The following TARP variants were observed in gnomAD, a reference collection of about 807,000 sequenced individuals.
At chr7:38,266,330 T>C in the TARP span, among the ~76,000 whole-genome samples, 3 of 149,638 alleles carry the variant, frequency 2.0e-5, no homozygotes, top group East Asian at 3.9e-4. Flanking sequence ...TTGTTGAGAC[T>C]GGGGCTTGCT....
the TARP span, among the ~76,000 whole-genome samples, chr7:38,266,255 A>T: frequency 6.6e-6 from 1 of 151,570 alleles, no homozygotes; most frequent in Non-Finnish European, 1.5e-5. Context: ...TGATTCTGCG[A>T]TGCACCATAT....
At chr7:38,265,471 A>G in the TARP span, 1 of 1,610,230 alleles carries the variant, frequency 6.2e-7, no homozygotes, top group Non-Finnish European at 8.5e-7. Context: ...GCTAAATTTC[A>G]TGTATGTGTC....
chr7:38,267,520 G>T, the TARP span, among the ~76,000 whole-genome samples: 1 of 150,772 alleles, frequency 6.6e-6, no homozygotes, highest in East Asian at 1.9e-4. Context: ...GATAATTTCT[G>T]TCTGTGTAGC....
the TARP span, among the ~76,000 whole-genome samples, chr7:38,263,537 T>A: frequency 6.6e-6 from 1 of 151,270 alleles, no homozygotes; most frequent in African/African-American, 2.4e-5. Flanking sequence ...TTACAGGAGC[T>A]CAGATTTCAG....
chr7:38,268,309 A>C, the TARP span, among the ~76,000 whole-genome samples: 1 of 151,652 alleles, frequency 6.6e-6, no homozygotes, highest in African/African-American at 2.4e-5. Flanking sequence ...TTTGTAGTTT[A>C]TTAAAATGCA....
chr7:38,266,898 G>A, the TARP span, among the ~76,000 whole-genome samples: 1 of 151,622 alleles, frequency 6.6e-6, no homozygotes, highest in African/African-American at 2.4e-5. Flanking sequence ...ATTATTTTCA[G>A]AAATACTCTT....
the TARP span, among the ~76,000 whole-genome samples, chr7:38,270,065 G>A: frequency 0.072 from 10,752 of 150,322 alleles, no homozygotes; most frequent in Non-Finnish European, 0.099. Context: ...TCACACCACT[G>A]CACTCCTGCC....
chr7:38,259,661 A>G, the TARP span: 1 of 160,820 alleles, frequency 6.2e-6, no homozygotes, highest in African/African-American at 2.4e-5. Flanking sequence ...ATTTTTTTAA[A>G]TTTATTTTGC....
the TARP span, among the ~76,000 whole-genome samples, chr7:38,271,921 A>T: frequency 6.6e-6 from 1 of 151,508 alleles, no homozygotes. Flanking sequence ...AAGAAATTAA[A>T]TGTTATAGGT....
chr7:38,259,787 G>A, the TARP span: 41 of 310,572 alleles, frequency 1.3e-4, 1 homozygote, highest in African/African-American at 8.4e-4. Context: ...AGAGGGACAA[G>A]GCTAGAAGCC....
chr7:38,263,341 A>G, the TARP span, among the ~76,000 whole-genome samples: 1 of 152,062 alleles, frequency 6.6e-6, no homozygotes, highest in Non-Finnish European at 1.5e-5. Flanking sequence ...CAAATAGCAG[A>G]GCCAGTATTC....
the TARP span, among the ~76,000 whole-genome samples, chr7:38,270,951 G>A: frequency 6.6e-6 from 1 of 150,860 alleles, no homozygotes; most frequent in Non-Finnish European, 1.5e-5. Flanking sequence ...TTGAAAATTT[G>A]GTGTGCTTCT....
At chr7:38,261,034 C>T in the TARP span, among the ~76,000 whole-genome samples, 1 of 151,862 alleles carries the variant, frequency 6.6e-6, no homozygotes, top group East Asian at 1.9e-4. Context: ...CACATTCATG[C>T]CTTTATCTCT....
chr7:38,272,675 G>C, the TARP span, among the ~76,000 whole-genome samples: 1 of 148,894 alleles, frequency 6.7e-6, no homozygotes, highest in Admixed American at 6.8e-5. Flanking sequence ...TTGAACAACT[G>C]GTAAATCAAA....
At chr7:38,259,947 T>C in the TARP span, 1 of 810,686 alleles carries the variant, frequency 1.2e-6, no homozygotes, top group Non-Finnish European at 1.9e-6. Flanking sequence ...TTGAAAACCG[T>C]TATACAATAA....
the TARP span, among the ~76,000 whole-genome samples, chr7:38,268,522 T>C: frequency 6.6e-6 from 1 of 151,634 alleles, no homozygotes. Flanking sequence ...TTGACCATTT[T>C]TGGTAAGATT....
At chr7:38,261,656 G>A in the TARP span, among the ~76,000 whole-genome samples, 9 of 151,240 alleles carry the variant, frequency 6.0e-5, no homozygotes, top group Non-Finnish European at 8.8e-5. Flanking sequence ...GGCAGATCAC[G>A]AGGTCACAAA....
chr7:38,262,080 T>C, the TARP span: 1 of 1,114,918 alleles, frequency 9.0e-7, no homozygotes, highest in Admixed American at 1.7e-5. Context: ...TTCTGCAGCA[T>C]CCAACCTAGC....
chr7:38,269,909 G>A, the TARP span, among the ~76,000 whole-genome samples: 12 of 152,014 alleles, frequency 7.9e-5, no homozygotes, highest in Middle Eastern at 0.01. Context: ...AGGCCAGCCT[G>A]GGCAACACAG....
Sources: allele counts gnomAD v4.1 joint callset (sites outside exome capture counted in the v4.1 genomes callset), GRCh38; gene constraint gnomAD v4.1.1; transcripts MANE v1.5.